NEGR1: variants seen among roughly 807,000 people sequenced by gnomAD.
NEGR1 encodes the protein neuronal growth regulator 1, also known as IgLON family member 4.
In NEGR1, 10 loss-of-function variants were observed where a neutral mutation model predicts 40.9. That is an observed-to-expected ratio of 0.24 (90% CI 0.15 to 0.42). The LOEUF (loss-of-function observed/expected upper bound fraction) is 0.42. Among genes scored for constraint, NEGR1 ranks in the 10% least tolerant of loss-of-function variants. The pLI, the probability that NEGR1 is intolerant of heterozygous loss-of-function variation, is 1.00. For synonymous variants in NEGR1, 185 were observed against 166.8 expected (o/e 1.11, Z -0.84); for missense variants, 352 against 438.9 (o/e 0.80, Z 1.77).
intron 1 of NEGR1, among the ~76,000 whole-genome samples, chr1:72,206,759 AC>A (rs1160687883): frequency 2.6e-5 from 4 of 152,116 alleles, no homozygotes; most frequent in Non-Finnish European, 4.4e-5. Flanking sequence ...CTAAACATCA[AC>A]ATAAAGGTGA....
At chr1:72,009,107 C>T (rs1051920562) in intron 1 of NEGR1, among the ~76,000 whole-genome samples, 3 of 151,626 alleles carry the variant, frequency 2.0e-5, no homozygotes, top group African/African-American at 7.3e-5. Flanking sequence ...GTGCATATTA[C>T]CATTACAGAA....
intron 2 of NEGR1, among the ~76,000 whole-genome samples, chr1:71,825,409 T>G (rs1461574823): frequency 1.3e-5 from 2 of 151,928 alleles, no homozygotes; most frequent in Non-Finnish European, 2.9e-5. Flanking sequence ...TCTACACATT[T>G]TCATTCAGAA....
chr1:71,481,886 T>C (rs1053464222), intron 6 of NEGR1, among the ~76,000 whole-genome samples: 38 of 151,926 alleles, frequency 2.5e-4, no homozygotes, highest in African/African-American at 9.2e-4. Context: ...GTTTAAAATG[T>C]ATTAATTTTC....
At chr1:71,886,890 C>T (rs1237771802) in intron 2 of NEGR1, among the ~76,000 whole-genome samples, 1 of 152,110 alleles carries the variant, frequency 6.6e-6, no homozygotes, top group African/African-American at 2.4e-5. Flanking sequence ...GTGCTAAGAA[C>T]AAGATTCCAT....
intron 4 of NEGR1, among the ~76,000 whole-genome samples, chr1:71,678,383 T>A (rs1284065507): frequency 6.6e-6 from 1 of 152,234 alleles, no homozygotes; most frequent in Non-Finnish European, 1.5e-5. Context: ...GTTAATTATA[T>A]GTCATGGTAA....
intron 2 of NEGR1, among the ~76,000 whole-genome samples, chr1:71,820,185 G>T (rs905914198): frequency 6.6e-6 from 1 of 151,986 alleles, no homozygotes; most frequent in Admixed American, 6.6e-5. Context: ...ACCAGTGGGG[G>T]CAAAATAAAC....
intron 1 of NEGR1, among the ~76,000 whole-genome samples, chr1:72,182,718 A>T (rs899217283): frequency 7.9e-5 from 12 of 151,550 alleles, no homozygotes; most frequent in Non-Finnish European, 1.8e-4. Context: ...GTTATATATG[A>T]TGAAATTAAA....
rs776347091 is a variant in NEGR1, at chr1:71,611,028, C to T, written c.786G>A (p.Lys262=). The T allele has an allele frequency of 3.7e-6, 6 of 1,613,868 alleles. No homozygotes were observed. The highest frequency in any genetic ancestry group is 3.3e-5 in the South Asian group (3 of 91,070). The stretch of plus-strand genomic sequence containing the variant: ...AGTAATAATCACAAAGTCCTCACTT[C>T]TTCTCTCCTTTGTACCATTCAAAGG... ...PPAFEWYKGE[K]KLFNGQQGII... Residue 262 remains lysine (K), a splice_region_variant and synonymous_variant, in exon 5 of 7, where the codon AAG becomes AAA. Transcript: ENST00000357731.
chr1:71,999,590 T>C (rs1209953571), intron 1 of NEGR1, among the ~76,000 whole-genome samples: 2 of 138,286 alleles, frequency 1.4e-5, no homozygotes, highest in Non-Finnish European at 3.2e-5. Context: ...ACATTCCTTC[T>C]CACTCCCAAA....
intron 3 of NEGR1, among the ~76,000 whole-genome samples, chr1:71,757,820 C>T (rs1007551721): frequency 1.3e-5 from 2 of 152,088 alleles, no homozygotes; most frequent in Non-Finnish European, 2.9e-5. Flanking sequence ...CAATCATTAA[C>T]TTGCATTTAC....
intron 2 of NEGR1, among the ~76,000 whole-genome samples, chr1:71,811,859 T>TTTATTTTATTTTATTTTATG (rs2101763242): frequency 1.9e-5 from 1 of 53,560 alleles, no homozygotes; most frequent in African/African-American, 9.2e-5. Context: ...GTTCTATTTA[T>TTTATTTTATTTTATTTTATG]TTATTTTATT....
intron 4 of NEGR1, among the ~76,000 whole-genome samples, chr1:71,639,388 G>C (rs966142416): frequency 3.9e-5 from 6 of 151,998 alleles, no homozygotes; most frequent in Admixed American, 3.9e-4. Flanking sequence ...CAACAAAGCC[G>C]TATCTCATCA....
chr1:72,272,022 C>T (rs892911373), intron 1 of NEGR1, among the ~76,000 whole-genome samples: 3 of 151,710 alleles, frequency 2.0e-5, no homozygotes, highest in African/African-American at 4.8e-5. Context: ...TCGTGTATGT[C>T]TTTACCAGCA....
rs528164423 is a variant in NEGR1 at position 71,609,471 on chromosome 1, C to T, written c.788+1555G>A. ...CGGAGCTTGCAGTGAGCCGACATCA[C>T]GCCACTGCACTCCAGCCTGGGCGAC... On this transcript the variant is annotated intron_variant, in intron 5 of 6. Coordinates refer to ENST00000357731, the MANE Select transcript of NEGR1 (RefSeq NM_173808.3). Among the ~76,000 whole-genome samples, 12 of 129,842 alleles carry T rather than the reference C, an allele frequency of 9.2e-5. No individual in the cohort carries two copies. The East Asian group carries it at 1.8e-3, about 20-fold the overall frequency. The allele number at this position is 129,842 out of a possible 152,430, so 85.2% of individuals were successfully genotyped here.
intron 5 of NEGR1, among the ~76,000 whole-genome samples, chr1:71,594,329 T>A (rs946646804): frequency 5.3e-5 from 8 of 152,178 alleles, no homozygotes; most frequent in African/African-American, 1.9e-4. Flanking sequence ...TGTATTTTTT[T>A]AAATTATGAA....
Position 71,480,381 on chromosome 1 carries a change from TCCA to T in NEGR1, c.941-72814_941-72812del, listed in dbSNP as rs1052914014. ...GTCCCAACCCTCTTACTTTGTTCTG[TCCA>T]CTACCCTTCCTCCTTTCCTCTTTCT... On this transcript the variant is annotated intron_variant, in intron 6 of 6. Coordinates refer to ENST00000357731, the MANE Select transcript of NEGR1 (RefSeq NM_173808.3). 2.0e-5 allele frequency among the ~76,000 whole-genome samples: 3 copies of T among 151,842 alleles called. 1 individual carries two copies. The highest frequency in any genetic ancestry group is 1.3e-4 in the Admixed American group (2 of 15,202).
intron 4 of NEGR1, among the ~76,000 whole-genome samples, chr1:71,641,272 T>A (rs1018147672): frequency 6.6e-6 from 1 of 152,090 alleles, no homozygotes; most frequent in African/African-American, 2.4e-5. Flanking sequence ...CAGTGTGTTA[T>A]AGCTGATATA....
At chr1:72,087,439 A>T (rs11209909) in intron 1 of NEGR1, among the ~76,000 whole-genome samples, 63,847 of 149,426 alleles carry the variant, frequency 0.43, 14,218 homozygotes, top group South Asian at 0.56. Context: ...TCAAAAAAAA[A>T]ATATATATAT....
chr1:71,649,645 A>T (rs536703127), intron 4 of NEGR1, among the ~76,000 whole-genome samples: 1 of 152,248 alleles, frequency 6.6e-6, no homozygotes, highest in Middle Eastern at 3.4e-3. Context: ...TTTTTGGATG[A>T]ATATTATTTT....
Sources: allele counts gnomAD v4.1 joint callset (sites outside exome capture counted in the v4.1 genomes callset), GRCh38; gene constraint gnomAD v4.1.1; transcripts MANE v1.5; gene names NCBI Gene and HGNC (gene_info 2026-07-23, HGNC 2026-07-21).